Variants in LUZP2 observed in about 807,000 individuals in gnomAD.
The protein encoded by LUZP2 is leucine zipper protein 2.
In LUZP2, 52 loss-of-function variants were observed where a neutral mutation model predicts 51.6. That is an observed-to-expected ratio of 1.01 (90% CI 0.81 to 1.27). The LOEUF is 1.27. Among genes scored for constraint, LUZP2 ranks in the 50% most tolerant of loss-of-function variants. The pLI is 0.00. For missense variants in LUZP2, 436 were observed against 395.4 expected (o/e 1.10, Z -0.87); for synonymous variants, 154 against 137.3 (o/e 1.12, Z -0.85).
intron 5 of LUZP2, among the ~76,000 whole-genome samples, chr11:24,812,461 G>C (rs903860072): frequency 6.6e-6 from 1 of 152,164 alleles, no homozygotes; most frequent in African/African-American, 2.4e-5. Context: ...CAATTTGCCA[G>C]TTGCTGTACA....
intron 1 of LUZP2, among the ~76,000 whole-genome samples, chr11:24,551,964 T>G (rs919254701): frequency 2.0e-5 from 3 of 151,632 alleles, no homozygotes; most frequent in African/African-American, 7.3e-5. Flanking sequence ...TAAACAAAAC[T>G]CAGGCAACAG....
chr11:24,790,469 A>G (rs1006768033), intron 5 of LUZP2, among the ~76,000 whole-genome samples: 13 of 151,432 alleles, frequency 8.6e-5, no homozygotes, highest in African/African-American at 3.2e-4. Flanking sequence ...TATCTCACTG[A>G]TCATTCTTCT....
intron 9 of LUZP2, among the ~76,000 whole-genome samples, chr11:25,013,483 C>T (rs1857038857): frequency 6.6e-6 from 1 of 152,082 alleles, no homozygotes; most frequent in Admixed American, 6.5e-5. Context: ...TACCCATATG[C>T]TTACTAGTTT....
chr11:25,058,438 C>T (rs573539338), intron 10 of LUZP2, among the ~76,000 whole-genome samples: 58 of 152,208 alleles, frequency 3.8e-4, no homozygotes, highest in African/African-American at 1.3e-3. Context: ...CAAACAATAA[C>T]GTGCAAACAC....
At chr11:24,612,521 C>G (rs189904763) in intron 1 of LUZP2, among the ~76,000 whole-genome samples, 5 of 152,152 alleles carry the variant, frequency 3.3e-5, no homozygotes, top group African/African-American at 1.2e-4. Context: ...TGAAAGTAAG[C>G]TATCAAGTAC....
intron 5 of LUZP2, among the ~76,000 whole-genome samples, chr11:24,837,559 G>A (rs973121374): frequency 1.3e-5 from 2 of 151,648 alleles, no homozygotes; most frequent in Admixed American, 6.6e-5. Context: ...ACTTGTGGAA[G>A]AGTAATATCT....
intron 5 of LUZP2, among the ~76,000 whole-genome samples, chr11:24,771,017 C>A (rs889177796): frequency 2.0e-5 from 3 of 152,158 alleles, no homozygotes; most frequent in Non-Finnish European, 2.9e-5. Context: ...TCTCAAGTAA[C>A]AAATTCCTGT....
intron 7 of LUZP2, among the ~76,000 whole-genome samples, chr11:24,966,847 G>A (rs898019990): frequency 6.9e-6 from 1 of 144,450 alleles, no homozygotes; most frequent in African/African-American, 2.5e-5. Flanking sequence ...ATTATATAAT[G>A]GATATATACA....
At chr11:24,498,601 A>G (rs1564953396) in intron 1 of LUZP2, among the ~76,000 whole-genome samples, 1 of 152,228 alleles carries the variant, frequency 6.6e-6, no homozygotes, top group Non-Finnish European at 1.5e-5. Context: ...ACTTCAGCTC[A>G]TAAAGTGCAG....
intron 9 of LUZP2, among the ~76,000 whole-genome samples, chr11:25,038,005 T>A (rs1341569119): frequency 6.6e-6 from 1 of 152,060 alleles, no homozygotes; most frequent in Non-Finnish European, 1.5e-5. Flanking sequence ...TATGTCAACC[T>A]CCCTAGCAAA....
At chr11:24,567,382 A>C in intron 1 of LUZP2, among the ~76,000 whole-genome samples, 1 of 152,234 alleles carries the variant, frequency 6.6e-6, no homozygotes, top group East Asian at 1.9e-4. Flanking sequence ...CACATGATGA[A>C]AGTGCCAAAA....
At chr11:24,784,062 G>T (rs548802914) in intron 5 of LUZP2, among the ~76,000 whole-genome samples, 1 of 151,784 alleles carries the variant, frequency 6.6e-6, no homozygotes, top group Non-Finnish European at 1.5e-5. Flanking sequence ...CCCTAGACAC[G>T]GAGTTTGGAC....
At chr11:25,076,535 G>A (rs868797929) in intron 10 of LUZP2, among the ~76,000 whole-genome samples, 8 of 151,058 alleles carry the variant, frequency 5.3e-5, no homozygotes, top group Middle Eastern at 6.8e-3. Context: ...AAAAAAGAAA[G>A]GGAGGAAGGA....
intron 1 of LUZP2, among the ~76,000 whole-genome samples, chr11:24,556,958 G>T (rs1046957569): frequency 3.9e-5 from 6 of 151,984 alleles, no homozygotes; most frequent in Non-Finnish European, 7.4e-5. Context: ...CTGTCACCCT[G>T]CAATGTTCAG....
intron 10 of LUZP2, among the ~76,000 whole-genome samples, chr11:25,074,373 C>A (rs895408): frequency 0.9 from 136,818 of 152,200 alleles, 62,491 homozygotes; most frequent in Non-Finnish European, 0.98. Context: ...ATGCCTGTGA[C>A]GCACAGAAAG....
At chr11:24,543,264 C>T (rs1851436261) in intron 1 of LUZP2, among the ~76,000 whole-genome samples, 1 of 151,638 alleles carries the variant, frequency 6.6e-6, no homozygotes, top group Admixed American at 6.6e-5. Flanking sequence ...TCACTTACTC[C>T]AGATAACTTA....
At chr11:24,829,602 A>G (rs998160842) in intron 5 of LUZP2, among the ~76,000 whole-genome samples, 2 of 152,228 alleles carry the variant, frequency 1.3e-5, no homozygotes, top group Admixed American at 6.5e-5. Flanking sequence ...TTGATTGGCT[A>G]TAGCCATTGC....
intron 1 of LUZP2, among the ~76,000 whole-genome samples, chr11:24,651,325 T>A (rs1441950754): frequency 6.6e-6 from 1 of 152,074 alleles, no homozygotes; most frequent in Non-Finnish European, 1.5e-5. Flanking sequence ...GAATTTTATC[T>A]TCTGCTAAAG....
intron 5 of LUZP2, among the ~76,000 whole-genome samples, chr11:24,781,802 C>T (rs532499949): frequency 2.6e-5 from 4 of 152,000 alleles, no homozygotes; most frequent in African/African-American, 9.6e-5. Flanking sequence ...ATAATATCTT[C>T]CTTACCCAAT....
Sources: allele counts gnomAD v4.1 joint callset (sites outside exome capture counted in the v4.1 genomes callset), GRCh38; gene constraint gnomAD v4.1.1; transcripts MANE v1.5; gene names NCBI Gene and HGNC (gene_info 2026-07-23, HGNC 2026-07-21).